Variants in INPP4B observed in about 807,000 individuals in gnomAD.
The protein encoded by INPP4B is inositol polyphosphate-4-phosphatase type II B, also known as inositol polyphosphate 4-phosphatase type II.
A neutral mutation model predicts 122.5 loss-of-function variants in INPP4B; 55 were observed. The observed-to-expected ratio is 0.45, with a 90% CI of 0.36 to 0.56. INPP4B has a LOEUF of 0.56. INPP4B is among the 20% of genes least tolerant of loss of function. The probability of loss-of-function intolerance (pLI) is 0.00; values close to 1 mark genes in which losing one functional copy is unlikely to be tolerated. For synonymous variants in INPP4B, 403 were observed against 388.7 expected (o/e 1.04, Z -0.43); for missense variants, 1,000 against 1,097.7 (o/e 0.91, Z 1.26).
At position 142,026,361 on chromosome 4, in the gene INPP4B, A is replaced by G. The variant is rs1262476928; in HGVS notation, c.*2421T>C. 6.6e-6 allele frequency: 1 copy of G among 152,246 alleles called. No individual in the cohort carries two copies. Among genetic ancestry groups the G allele is most frequent in the Non-Finnish European group, 1.5e-5 (1 of 68,042 alleles). The allele number at this position is 152,246 out of a possible 1,614,324, so 9.4% of individuals were successfully genotyped here. On this transcript the variant is annotated 3_prime_UTR_variant, in exon 26 of 26. Coordinates refer to ENST00000262992, the MANE Select transcript of INPP4B (RefSeq NM_001101669.3). The stretch of plus-strand genomic sequence containing the variant: ...AAATCCACTTTTAGAAGTTTGCACC[A>G]GTACAGGCTTTCTATAAGGAAATGC...
rs188931053 is a variant in INPP4B at position 142,342,421 on chromosome 4, A to G, written c.373-27659T>C. ...CCAGTCCTAAACAAAATTGAGAAAT[A>G]AAAGAAATTAATATTGAGTACCCTC... is the stretch of plus-strand genomic sequence containing the variant. On this transcript the variant is annotated intron_variant, in intron 7 of 25. Transcript: ENST00000262992. Among the ~76,000 whole-genome samples, 14 of 152,286 alleles carry G rather than the reference A, an allele frequency of 9.2e-5. No homozygotes were observed. In the East Asian group the frequency reaches 2.7e-3, roughly 29 times the overall value.
At chr4:142,511,226 C>T (rs1824674899) in intron 2 of INPP4B, among the ~76,000 whole-genome samples, 1 of 152,000 alleles carries the variant, frequency 6.6e-6, no homozygotes, top group Admixed American at 6.6e-5. Flanking sequence ...TGTGCCAGTC[C>T]TCCCTAATGT....
At chr4:142,367,741 G>A (rs1349391282) in intron 7 of INPP4B, among the ~76,000 whole-genome samples, 1 of 152,080 alleles carries the variant, frequency 6.6e-6, no homozygotes, top group South Asian at 2.1e-4. Flanking sequence ...TGAGAATTGT[G>A]CCAGGTTCAT....
chr4:142,030,312 G>T lies in INPP4B; in HGVS notation c.2643-1398C>A, dbSNP rs747695627. The T allele has an allele frequency of 2.0e-6, 3 of 1,533,564 alleles. No individual in the cohort carries two copies. In the South Asian group the frequency reaches 3.6e-5, roughly 18 times the overall value. 95.0% of individuals were successfully genotyped at this position (1,533,564 alleles called of 1,614,324 possible). A position where few individuals can be genotyped will look rare whatever the true frequency, so the allele number is the denominator to read the frequency against. ...TCCCTGGGTTTGTCTGCTGTTAAAT[G>T]AGGGGAAGTTGGGGGGGAAAAGAAA... On this transcript the variant is annotated intron_variant, in intron 25 of 25. Coordinates refer to ENST00000262992, the MANE Select transcript of INPP4B (RefSeq NM_001101669.3).
At chr4:142,326,400 T>A (rs1315883417) in intron 7 of INPP4B, among the ~76,000 whole-genome samples, 1 of 152,236 alleles carries the variant, frequency 6.6e-6, no homozygotes, top group African/African-American at 2.4e-5. Flanking sequence ...TAATAGCTGA[T>A]AACTTGCTAA....
intron 17 of INPP4B, among the ~76,000 whole-genome samples, chr4:142,149,209 G>A (rs1812451581): frequency 1.3e-5 from 2 of 152,302 alleles, no homozygotes; most frequent in Non-Finnish European, 1.5e-5. Context: ...ACAGGGCCTG[G>A]CTCTCAGTAA....
rs199895987 is a variant in INPP4B at position 142,545,806 on chromosome 4, C to T, written c.-190-83080G>A. Reference sequence around the variant, plus strand: ...ACATATATATGTGTGTATATATATACACATATACATGTGTGTATATATATA... The same window carrying T: ...ACATATATATGTGTGTATATATATATACATATACATGTGTGTATATATATA... On this transcript the variant is annotated intron_variant, in intron 2 of 25. Coordinates refer to ENST00000262992, the MANE Select transcript of INPP4B (RefSeq NM_001101669.3). 3.7e-3 allele frequency among the ~76,000 whole-genome samples: 308 copies of T among 83,458 alleles called. 2 individuals are homozygous for T. In the East Asian group the frequency reaches 0.047, roughly 13 times the overall value. The allele number at this position is 83,458 out of a possible 152,430, so 54.8% of individuals were successfully genotyped here.
At chr4:142,379,095 C>CA (rs1160224058) in intron 7 of INPP4B, among the ~76,000 whole-genome samples, 1 of 152,020 alleles carries the variant, frequency 6.6e-6, no homozygotes, top group African/African-American at 2.4e-5. Flanking sequence ...GTGCCCTTTT[C>CA]AAAAAACCCA....
At chr4:142,269,788 C>T (rs114861397) in intron 10 of INPP4B, among the ~76,000 whole-genome samples, 16 of 152,088 alleles carry the variant, frequency 1.1e-4, no homozygotes, top group Non-Finnish European at 2.4e-4. Context: ...CATTCCATAA[C>T]GTAAATATAT....
chr4:142,090,370 A>G (rs336311), intron 23 of INPP4B, among the ~76,000 whole-genome samples: 134,738 of 151,032 alleles, frequency 0.89, 61,677 homozygotes, highest in Non-Finnish European at 0.99. Context: ...GCACACCTCT[A>G]TCAACCCAAT....
At chr4:142,703,069 A>G (rs1010336416) in intron 2 of INPP4B, among the ~76,000 whole-genome samples, 1 of 152,204 alleles carries the variant, frequency 6.6e-6, no homozygotes, top group African/African-American at 2.4e-5. Flanking sequence ...CTCACCTGCC[A>G]AAGGAAGACA....
At chr4:142,802,733 A>G (rs757178943) in intron 1 of INPP4B, among the ~76,000 whole-genome samples, 33 of 151,754 alleles carry the variant, frequency 2.2e-4, no homozygotes, top group Non-Finnish European at 2.7e-4. Context: ...AGAAACTCCA[A>G]TTTTTAACCT....
chr4:142,157,233 G>C (rs1397240173), intron 17 of INPP4B, among the ~76,000 whole-genome samples: 1 of 152,114 alleles, frequency 6.6e-6, no homozygotes, highest in African/African-American at 2.4e-5. Context: ...ATCAAAGTTA[G>C]ATAAAGCTTT....
intron 2 of INPP4B, among the ~76,000 whole-genome samples, chr4:142,546,585 T>C (rs1016529671): frequency 1.3e-5 from 2 of 152,120 alleles, no homozygotes; most frequent in African/African-American, 4.8e-5. Context: ...AGAATTATGA[T>C]TACGTGTCAA....
At chr4:142,819,645 T>A (rs1780559479) in intron 1 of INPP4B, among the ~76,000 whole-genome samples, 1 of 152,162 alleles carries the variant, frequency 6.6e-6, no homozygotes, top group South Asian at 2.1e-4. Flanking sequence ...GAAATGTATT[T>A]CTGAAGGCCG....
intron 17 of INPP4B, among the ~76,000 whole-genome samples, chr4:142,156,565 C>A (rs1225664168): frequency 6.6e-6 from 1 of 152,038 alleles, no homozygotes; most frequent in African/African-American, 2.4e-5. Flanking sequence ...TGTTTACTAG[C>A]TTTTCAGGAA....
chr4:142,280,204 G>C (rs1750538136), intron 9 of INPP4B, among the ~76,000 whole-genome samples: 1 of 151,700 alleles, frequency 6.6e-6, no homozygotes, highest in African/African-American at 2.4e-5. Context: ...ATTTACCCTA[G>C]AGAAATGAAA....
intron 2 of INPP4B, among the ~76,000 whole-genome samples, chr4:142,682,605 C>CTA (rs1185071190): frequency 6.6e-6 from 1 of 151,822 alleles, no homozygotes; most frequent in Non-Finnish European, 1.5e-5. Flanking sequence ...CATGCAAAGA[C>CTA]TATAACAACT....
intron 11 of INPP4B, among the ~76,000 whole-genome samples, chr4:142,252,518 T>C (rs966638355): frequency 2.0e-5 from 3 of 152,188 alleles, no homozygotes; most frequent in Non-Finnish European, 4.4e-5. Flanking sequence ...AGTCATTTAA[T>C]TTACATTATC....
Sources: gnomAD v4.1 joint callset for allele counts (sites outside exome capture counted in the v4.1 genomes callset) on GRCh38, gnomAD v4.1.1 for gene constraint, MANE v1.5 for transcripts, NCBI Gene and HGNC (gene_info 2026-07-23, HGNC 2026-07-21) for gene names.